The following AUTS2 variants were observed in gnomAD, a reference collection of about 807,000 sequenced individuals.
The protein encoded by AUTS2 is autism susceptibility gene 2 protein.
AUTS2 carries 17 observed loss-of-function variants against 112.4 expected under a neutral mutation model. The observed-to-expected ratio is 0.15, with a 90% CI of 0.10 to 0.23. The LOEUF (loss-of-function observed/expected upper bound fraction) is 0.23. Ranked by LOEUF, AUTS2 falls within the 10% of genes least tolerant of loss-of-function variation. The pLI, the probability that AUTS2 is intolerant of heterozygous loss-of-function variation, is 1.00. For missense variants in AUTS2, 1,510 were observed against 1,701.6 expected, an observed-to-expected ratio of 0.89 and a Z score of 1.98; for synonymous variants, 751 against 702.7, an observed-to-expected ratio of 1.07 and a Z score of -1.09.
chr7:70,684,634 A>G (rs1397752835), intron 5 of AUTS2, among the ~76,000 whole-genome samples: 54 of 138,696 alleles, frequency 3.9e-4, no homozygotes, highest in African/African-American at 1.4e-3. Flanking sequence ...GTGGCGTGGT[A>G]TGGTGTGGGG....
intron 5 of AUTS2, among the ~76,000 whole-genome samples, chr7:70,551,037 CAAAGAAACACAGAGGCCAACTG>C (rs1192748413): frequency 2.6e-5 from 4 of 152,000 alleles, no homozygotes; most frequent in Non-Finnish European, 5.9e-5. Flanking sequence ...AGGGGCACAT[CAAAGAAACACAGAGGCCAACTG>C]AAAGAGCTAA....
chr7:69,912,427 C>T (rs1795400516), intron 2 of AUTS2, among the ~76,000 whole-genome samples: 2 of 152,166 alleles, frequency 1.3e-5, no homozygotes, highest in South Asian at 4.1e-4. Flanking sequence ...CCAGCCGGCT[C>T]CTCAGAGCAT....
intron 4 of AUTS2, among the ~76,000 whole-genome samples, chr7:70,296,840 ATTTT>A (rs11309209): frequency 2.3e-5 from 3 of 127,924 alleles, no homozygotes; most frequent in African/African-American, 2.9e-5. Context: ...CTGGGTATAC[ATTTT>A]TTTTTTTTTT....
intron 2 of AUTS2, among the ~76,000 whole-genome samples, chr7:70,086,817 C>G (rs1325388544): frequency 1.3e-5 from 2 of 151,780 alleles, no homozygotes; most frequent in African/African-American, 4.8e-5. Flanking sequence ...GTATATTTAT[C>G]ATATATTCTG....
At chr7:69,913,199 C>G (rs533330632) in intron 2 of AUTS2, among the ~76,000 whole-genome samples, 7 of 152,198 alleles carry the variant, frequency 4.6e-5, no homozygotes, top group African/African-American at 1.7e-4. Flanking sequence ...TTGACTAGTT[C>G]AGACCCACTT....
At chr7:69,690,497 C>T (rs914193387) in intron 1 of AUTS2, among the ~76,000 whole-genome samples, 1 of 152,196 alleles carries the variant, frequency 6.6e-6, no homozygotes, top group Non-Finnish European at 1.5e-5. Flanking sequence ...AGGCGCAGAG[C>T]GGCAAGGGGT....
intron 4 of AUTS2, among the ~76,000 whole-genome samples, chr7:70,396,275 T>G (rs1794076722): frequency 6.6e-6 from 1 of 152,186 alleles, no homozygotes; most frequent in South Asian, 2.1e-4. Context: ...TGATATACCT[T>G]CTGTCACTAT....
chr7:69,922,617 A>G (rs1795858702), intron 2 of AUTS2, among the ~76,000 whole-genome samples: 1 of 152,194 alleles, frequency 6.6e-6, no homozygotes, highest in East Asian at 1.9e-4. Context: ...AGAAACTCTC[A>G]ATTTAATTTG....
intron 4 of AUTS2, among the ~76,000 whole-genome samples, chr7:70,380,482 G>A (rs1793319218): frequency 6.6e-6 from 1 of 152,202 alleles, no homozygotes; most frequent in African/African-American, 2.4e-5. Context: ...CTTTCCGCTG[G>A]CAGAGCCAGG....
chr7:70,034,168 T>C (rs576086598), intron 2 of AUTS2, among the ~76,000 whole-genome samples: 2 of 152,348 alleles, frequency 1.3e-5, no homozygotes, highest in East Asian at 1.9e-4. Flanking sequence ...TTTAACTGTT[T>C]GGTGCTTACC....
intron 4 of AUTS2, among the ~76,000 whole-genome samples, chr7:70,417,512 C>T (rs1795037228): frequency 6.6e-6 from 1 of 152,210 alleles, no homozygotes; most frequent in East Asian, 1.9e-4. Flanking sequence ...CTTGCAGTGA[C>T]AGGCGAGAGC....
At chr7:70,576,502 A>G (rs192140343) in intron 5 of AUTS2, among the ~76,000 whole-genome samples, 1 of 152,252 alleles carries the variant, frequency 6.6e-6, no homozygotes, top group East Asian at 1.9e-4. Context: ...TTGGACTTAG[A>G]GCTTTTAGAG....
chr7:70,377,329 T>A (rs1313882571), intron 4 of AUTS2, among the ~76,000 whole-genome samples: 68 of 21,164 alleles, frequency 3.2e-3, no homozygotes, highest in Non-Finnish European at 5.7e-3. Context: ...AATATAAATA[T>A]ATATATATAT....
At chr7:70,532,943 T>C (rs1344226591) in intron 5 of AUTS2, among the ~76,000 whole-genome samples, 2 of 152,212 alleles carry the variant, frequency 1.3e-5, no homozygotes, top group Admixed American at 6.5e-5. Flanking sequence ...TATCCTTTGC[T>C]TCCACTCCTG....
intron 5 of AUTS2, among the ~76,000 whole-genome samples, chr7:70,664,467 A>G (rs1807229620): frequency 6.6e-6 from 1 of 152,224 alleles, no homozygotes; most frequent in East Asian, 1.9e-4. Flanking sequence ...TTTGTCAAAC[A>G]TGCCCATTAG....
rs577507898 is a variant in AUTS2 at position 70,124,751 on chromosome 7, C to T, written c.624+6518C>T. ...CTAATTTTCGTATTTTTAGTAGAGA[C>T]GATGTTTTACCATGTTGGCCAGGAT... On this transcript the variant is annotated intron_variant, in intron 3 of 18. Coordinates refer to ENST00000342771, the MANE Select transcript of AUTS2 (RefSeq NM_015570.4). Among the ~76,000 whole-genome samples the T allele has an allele frequency of 7.2e-5, 11 of 152,010 alleles. No individual in the cohort carries two copies. The South Asian group carries it at 8.3e-4, about 12-fold the overall frequency.
intron 1 of AUTS2, among the ~76,000 whole-genome samples, chr7:69,822,026 A>G (rs1562906574): frequency 6.6e-6 from 1 of 152,086 alleles, no homozygotes; most frequent in African/African-American, 2.4e-5. Context: ...AGTTGTAATC[A>G]TGAATCTAAT....
At chr7:70,264,553 T>C (rs1382596797) in intron 4 of AUTS2, among the ~76,000 whole-genome samples, 1 of 152,208 alleles carries the variant, frequency 6.6e-6, no homozygotes, top group African/African-American at 2.4e-5. Context: ...GGGTCTTTAC[T>C]TACATGTGCT....
At chr7:69,622,478 G>T (rs187772155) in intron 1 of AUTS2, among the ~76,000 whole-genome samples, 184 of 152,286 alleles carry the variant, frequency 1.2e-3, no homozygotes, top group African/African-American at 4.2e-3. Flanking sequence ...GTTTGTTTTT[G>T]AGTTTTTAGC....
Sources: gnomAD v4.1 joint callset for allele counts (sites outside exome capture counted in the v4.1 genomes callset) on GRCh38, gnomAD v4.1.1 for gene constraint, MANE v1.5 for transcripts, NCBI Gene and HGNC (gene_info 2026-07-23, HGNC 2026-07-21) for gene names.